AGAP1: variants seen among roughly 807,000 people sequenced by gnomAD.
AGAP1 encodes the protein ArfGAP with GTPase domain, ankyrin repeat and PH domain 1, also known as arf-GAP with GTPase, ANK repeat and PH domain-containing protein 1.
A neutral mutation model predicts 105.3 loss-of-function variants in AGAP1; 29 were observed. The observed-to-expected ratio is 0.28, with a 90% CI of 0.21 to 0.38. AGAP1 has a LOEUF of 0.38. Ranked by LOEUF, AGAP1 falls within the 10% of genes least tolerant of loss-of-function variation. The pLI is 1.00. For missense variants in AGAP1, 998 were observed against 1,165.1 expected (o/e 0.86, Z 2.09); for synonymous variants, 509 against 485.9 (o/e 1.05, Z -0.63).
intron 1 of AGAP1, among the ~76,000 whole-genome samples, chr2:235,708,594 G>T (rs1314359215): frequency 6.7e-6 from 1 of 148,984 alleles, no homozygotes; most frequent in Non-Finnish European, 1.5e-5. Context: ...ATATCTTTGT[G>T]AGGGTCAAAA....
At chr2:235,675,965 GGGTTATACA>G (rs1948714543) in intron 1 of AGAP1, among the ~76,000 whole-genome samples, 1 of 152,152 alleles carries the variant, frequency 6.6e-6, no homozygotes, top group Non-Finnish European at 1.5e-5. Flanking sequence ...GCAAATTATT[GGGTTATACA>G]GTTAACAAAT....
chr2:235,596,247 A>G lies in AGAP1; in HGVS notation c.163+101398A>G, dbSNP rs940042869. On this transcript the variant is annotated intron_variant, in intron 1 of 17. Coordinates refer to ENST00000304032, the MANE Select transcript of AGAP1 (RefSeq NM_001037131.3). The surrounding 1 kb of genome is among the most constrained non-coding windows in gnomAD (Gnocchi z 5.9). The stretch of plus-strand genomic sequence containing the variant: ...AGTCAGAACCCGGCCATGGATGTGT[A>G]TTCACTGTTATTTAACAGATGCTCA... Among the ~76,000 whole-genome samples, 11 of 152,222 alleles carry G rather than the reference A, an allele frequency of 7.2e-5. No individual in the cohort carries two copies. Among genetic ancestry groups the G allele is most frequent in the African/African-American group, 2.4e-4 (10 of 41,454 alleles).
chr2:235,685,570 C>G (rs916074000), intron 1 of AGAP1, among the ~76,000 whole-genome samples: 1 of 151,830 alleles, frequency 6.6e-6, no homozygotes, highest in African/African-American at 2.4e-5. Context: ...CTCACTGCTC[C>G]ACGCGTATAC....
At chr2:235,856,383 G>C (rs62190890) in intron 9 of AGAP1, among the ~76,000 whole-genome samples, 22,650 of 152,224 alleles carry the variant, frequency 0.15, 2,021 homozygotes, top group South Asian at 0.23. Flanking sequence ...CATAGAAGCA[G>C]GGGTGTCACC....
At chr2:235,890,919 G>A (rs1243704941) in intron 10 of AGAP1, among the ~76,000 whole-genome samples, 2 of 116,418 alleles carry the variant, frequency 1.7e-5, no homozygotes, top group African/African-American at 5.9e-5. Context: ...GAAGCTACTG[G>A]GTGTAAGACT....
In AGAP1 at chr2:236,042,891, C is replaced by T. The variant is rs1474740623; in HGVS notation, c.1891+2050C>T. 6.6e-6 allele frequency among the ~76,000 whole-genome samples: 1 copy of T among 152,224 alleles called. No homozygotes were observed. Among genetic ancestry groups the T allele is most frequent in the East Asian group, 1.9e-4 (1 of 5,194 alleles). On this transcript the variant is annotated intron_variant, in intron 15 of 17. Coordinates refer to ENST00000304032, the MANE Select transcript of AGAP1 (RefSeq NM_001037131.3). This position sits in a 1 kb window ranked among gnomAD's most constrained non-coding sequence, Gnocchi z 5.6. Reference sequence around the variant, plus strand: ...GTCTGTGTCAGCCCGGTGCCAAACCCTCCCATGCGCTGTCTTTTCATTCTG... The same window carrying T: ...GTCTGTGTCAGCCCGGTGCCAAACCTTCCCATGCGCTGTCTTTTCATTCTG...
At chr2:235,686,641 ATATAGATATATATATATATATATATT>A (rs1949436684) in intron 1 of AGAP1, among the ~76,000 whole-genome samples, 15 of 42,660 alleles carry the variant, frequency 3.5e-4, no homozygotes, top group African/African-American at 1.6e-3. Flanking sequence ...ATATATATAT[ATATAGATATATATATATATATATATT>A]TTTTTTTTTT....
chr2:235,634,870 G>A (rs1178212025), intron 1 of AGAP1, among the ~76,000 whole-genome samples: 3 of 152,110 alleles, frequency 2.0e-5, no homozygotes, highest in Non-Finnish European at 2.9e-5. Context: ...TCCGGCACAC[G>A]CTTTGGCTGG....
chr2:235,969,688 G>C (rs1378631534), intron 13 of AGAP1, among the ~76,000 whole-genome samples: 1 of 152,210 alleles, frequency 6.6e-6, no homozygotes, highest in African/African-American at 2.4e-5. Context: ...CAAACCCACG[G>C]TGCGTGTGTT....
At chr2:235,539,584 G>T (rs1943365458) in intron 1 of AGAP1, among the ~76,000 whole-genome samples, 1 of 152,166 alleles carries the variant, frequency 6.6e-6, no homozygotes. Context: ...CCCCTCTAGG[G>T]TGGGAGGAAG....
chr2:236,093,009 G>A (rs2059103225), intron 16 of AGAP1, among the ~76,000 whole-genome samples: 2 of 152,218 alleles, frequency 1.3e-5, no homozygotes, highest in African/African-American at 4.8e-5. Flanking sequence ...CAGTTTATGT[G>A]ACACATTTAA....
chr2:235,513,540 A>G (rs1397955109), intron 1 of AGAP1, among the ~76,000 whole-genome samples: 4 of 151,488 alleles, frequency 2.6e-5, no homozygotes, highest in African/African-American at 4.8e-5. Context: ...AAAAAAAAAA[A>G]AAAAAAAGAA....
At chr2:235,672,637 G>A (rs1166004858) in intron 1 of AGAP1, among the ~76,000 whole-genome samples, 2 of 152,352 alleles carry the variant, frequency 1.3e-5, no homozygotes, top group African/African-American at 4.8e-5. Context: ...AGACCTGAAG[G>A]TCTCAGTTCT....
chr2:235,613,452 C>G (rs991797364), intron 1 of AGAP1, among the ~76,000 whole-genome samples: 2 of 152,184 alleles, frequency 1.3e-5, no homozygotes, highest in African/African-American at 4.8e-5. Flanking sequence ...TTACCCAAAC[C>G]TTTTTCCTTC....
rs1945525428 is a variant in AGAP1 at position 235,596,357 on chromosome 2, C to T, written c.163+101508C>T. 6.6e-6 allele frequency among the ~76,000 whole-genome samples: 1 copy of T among 152,178 alleles called. No individual in the cohort carries two copies. Among genetic ancestry groups the T allele is most frequent in the Non-Finnish European group, 1.5e-5 (1 of 68,032 alleles). ...GAGTCTCAGACTGGAGCCCCAAGGA[C>T]CTTGAGGACAGGAGTCTACCTGGGG... is the stretch of plus-strand genomic sequence containing the variant. On this transcript the variant is annotated intron_variant, in intron 1 of 17. Transcript: ENST00000304032. The surrounding 1 kb of genome is among the most constrained non-coding windows in gnomAD (Gnocchi z 5.9).
At chr2:236,112,287 G>A (rs1192944041) in intron 16 of AGAP1, among the ~76,000 whole-genome samples, 2 of 152,004 alleles carry the variant, frequency 1.3e-5, no homozygotes, top group African/African-American at 2.4e-5. Context: ...GTGGTGGCAC[G>A]TGCCTGTAAT....
At position 235,787,272 on chromosome 2, in the gene AGAP1, G is replaced by A. The variant is rs1956703036; in HGVS notation, c.674-10487G>A. Reference sequence around the variant, plus strand: ...AAGCTTTTCTTCATCACGTGCTAATGACTTCCTGTTCCACAGGCGTAACAC... The same window carrying A: ...AAGCTTTTCTTCATCACGTGCTAATAACTTCCTGTTCCACAGGCGTAACAC... On this transcript the variant is annotated intron_variant, in intron 6 of 17. Coordinates refer to ENST00000304032, the MANE Select transcript of AGAP1 (RefSeq NM_001037131.3). This position sits in a 1 kb window ranked among gnomAD's most constrained non-coding sequence, Gnocchi z 4.4. 6.6e-6 allele frequency among the ~76,000 whole-genome samples: 1 copy of A among 152,198 alleles called. No individual in the cohort carries two copies. Among genetic ancestry groups the A allele is most frequent in the Non-Finnish European group, 1.5e-5 (1 of 68,038 alleles).
In AGAP1 at chr2:236,121,888, C is replaced by G. The variant is rs767140577; in HGVS notation, c.2370+1441C>G. 1.3e-5 allele frequency among the ~76,000 whole-genome samples: 2 copies of G among 152,146 alleles called. No homozygotes were observed. Among genetic ancestry groups the G allele is most frequent in the Non-Finnish European group, 2.9e-5 (2 of 68,036 alleles). ...CTCTCTCACGGCTGGTAGACGGCCG[C>G]CCTCTCCCTATGTTCTCACAGGGCC... On this transcript the variant is annotated intron_variant, in intron 17 of 17. Coordinates refer to ENST00000304032, the MANE Select transcript of AGAP1 (RefSeq NM_001037131.3). This position sits in a 1 kb window ranked among gnomAD's most constrained non-coding sequence, Gnocchi z 4.9.
At position 235,906,058 on chromosome 2, in the gene AGAP1, A is replaced by C. The variant is rs2051290819; in HGVS notation, c.1156-2680A>C. Among the ~76,000 whole-genome samples, 3 of 152,128 alleles carry C rather than the reference A, an allele frequency of 2.0e-5. No individual in the cohort carries two copies. In the South Asian group the frequency reaches 6.2e-4, roughly 32 times the overall value. On this transcript the variant is annotated intron_variant, in intron 10 of 17. Transcript: ENST00000304032. The surrounding 1 kb of genome is among the most constrained non-coding windows in gnomAD (Gnocchi z 5.3). ...CCAGATACCACCCTCCCGTTACCCG[A>C]ACCCACCATGACAGCTTTCCTCCAA...
Sources: allele counts gnomAD v4.1 joint callset (sites outside exome capture counted in the v4.1 genomes callset), GRCh38; gene constraint gnomAD v4.1.1; non-coding constraint Gnocchi (gnomAD v3.1); transcripts MANE v1.5; gene names NCBI Gene and HGNC (gene_info 2026-07-23, HGNC 2026-07-21).